The following CDH18 variants were observed in gnomAD, a reference collection of about 807,000 sequenced individuals.
CDH18 encodes cadherin 18, also known as cadherin-18.
A neutral mutation model predicts 67.9 loss-of-function variants in CDH18; 31 were observed. The ratio of observed to expected loss-of-function variants is 0.46; its 90% CI spans 0.34 to 0.62. CDH18 has a LOEUF of 0.62. Among genes scored for constraint, CDH18 ranks in the 20% least tolerant of loss-of-function variants. The pLI, the probability that CDH18 is intolerant of heterozygous loss-of-function variation, is 0.01. For missense variants in CDH18, 890 were observed against 975.5 expected, an observed-to-expected ratio of 0.91 and a Z score of 1.17; for synonymous variants, 362 against 347.2, an observed-to-expected ratio of 1.04 and a Z score of -0.48.
chr5:20,100,267 T>C (rs1316352300), intron 2 of CDH18, among the ~76,000 whole-genome samples: 1 of 152,208 alleles, frequency 6.6e-6, no homozygotes, highest in East Asian at 1.9e-4. Flanking sequence ...GTTCTTGTAA[T>C]CATTTATCTA....
rs755751776 is a variant in CDH18, at chr5:19,838,898, G to T, written c.89C>A (p.Ser30Tyr). The change falls in exon 3 of 13, where the codon TCC (serine) becomes TAC (tyrosine). Residue 30 changes from serine to tyrosine, a missense_variant. Ser to Tyr is a moderately radical substitution (Grantham distance 144, BLOSUM62 -2). Coordinates refer to ENST00000382275, the MANE Select transcript of CDH18 (RefSeq NM_004934.5). ...GGTTTGGTTTCTCATCACCTTGATG[G>T]AGCTGTGGTGAGCAGTTCCATAACA... ...QRCYGTAHHS[S>Y]IKVMRNQTKH... 20 of 1,613,938 alleles carry T rather than the reference G, an allele frequency of 1.2e-5. No homozygotes were observed. Among genetic ancestry groups the T allele is most frequent in the Non-Finnish European group, 1.5e-5 (18 of 1,179,940 alleles).
intron 1 of CDH18, among the ~76,000 whole-genome samples, chr5:20,334,429 G>T (rs1230016824): frequency 6.6e-6 from 1 of 151,884 alleles, no homozygotes; most frequent in Non-Finnish European, 1.5e-5. Context: ...GAGCCACCGC[G>T]CCCGGCCTGA....
intron 3 of CDH18, among the ~76,000 whole-genome samples, chr5:19,776,618 GT>G (rs1188379978): frequency 6.6e-6 from 1 of 152,162 alleles, no homozygotes; most frequent in Non-Finnish European, 1.5e-5. Flanking sequence ...ACAGTGGGTT[GT>G]TTTAGAAAAT....
chr5:20,291,803 A>T (rs1327133947), intron 1 of CDH18, among the ~76,000 whole-genome samples: 2 of 152,132 alleles, frequency 1.3e-5, no homozygotes, highest in Non-Finnish European at 2.9e-5. Flanking sequence ...GGTCCAAAGC[A>T]ATTTTTCCAG....
intron 3 of CDH18, among the ~76,000 whole-genome samples, chr5:19,819,061 A>T (rs1779586410): frequency 6.6e-6 from 1 of 151,972 alleles, no homozygotes. Flanking sequence ...TATAAGTAAT[A>T]CATGTATATA....
chr5:19,496,109 T>C (rs1018571945), intron 11 of CDH18, among the ~76,000 whole-genome samples: 1 of 152,158 alleles, frequency 6.6e-6, no homozygotes, highest in African/African-American at 2.4e-5. Context: ...AAAAGCTTTT[T>C]TGTTATATCT....
At chr5:20,299,975 A>C (rs1373963348) in intron 1 of CDH18, among the ~76,000 whole-genome samples, 1 of 152,160 alleles carries the variant, frequency 6.6e-6, no homozygotes, top group East Asian at 1.9e-4. Context: ...TTAGCAAGAC[A>C]GGACCATTCC....
chr5:19,702,511 A>G (rs750328276), intron 5 of CDH18, among the ~76,000 whole-genome samples: 1 of 150,878 alleles, frequency 6.6e-6, no homozygotes, highest in Non-Finnish European at 1.5e-5. Flanking sequence ...CACACCTGTA[A>G]TCCCAGCACT....
At chr5:20,039,365 C>T (rs1232609046) in intron 2 of CDH18, among the ~76,000 whole-genome samples, 1 of 152,000 alleles carries the variant, frequency 6.6e-6, no homozygotes, top group Non-Finnish European at 1.5e-5. Context: ...TCATATGGAA[C>T]CAAAAAAGAG....
chr5:19,605,744 G>GCACA (rs2150082955), intron 6 of CDH18, among the ~76,000 whole-genome samples: 2 of 152,180 alleles, frequency 1.3e-5, no homozygotes, highest in South Asian at 4.1e-4. Flanking sequence ...AATTTTATAT[G>GCACA]CACATATACT....
intron 1 of CDH18, among the ~76,000 whole-genome samples, chr5:20,282,163 A>G (rs1006275006): frequency 1.8e-4 from 28 of 152,092 alleles, no homozygotes; most frequent in African/African-American, 6.5e-4. Context: ...CTGCAAACAG[A>G]GACAATTTGA....
At chr5:20,168,009 A>G (rs1444865795) in intron 2 of CDH18, among the ~76,000 whole-genome samples, 1 of 152,192 alleles carries the variant, frequency 6.6e-6, no homozygotes, top group Non-Finnish European at 1.5e-5. Context: ...ATATTTAAGT[A>G]TATTTTGAAT....
At position 20,145,117 on chromosome 5, in the gene CDH18, A is replaced by G. The variant is rs1461618637; in HGVS notation, c.-518+110327T>C. ...AATCCTCAAAAACTAATAAAATATC[A>G]CATAGACAAAACAAGAAAAAAATCT... On this transcript the variant is annotated intron_variant, in intron 2 of 14. Transcript: ENST00000507958. 2.6e-5 allele frequency among the ~76,000 whole-genome samples: 4 copies of G among 152,158 alleles called. No homozygotes were observed. In the East Asian group the frequency reaches 7.7e-4, roughly 29 times the overall value.
At chr5:19,545,951 G>T (rs1376790705) in intron 8 of CDH18, among the ~76,000 whole-genome samples, 1 of 152,174 alleles carries the variant, frequency 6.6e-6, no homozygotes, top group Non-Finnish European at 1.5e-5. Flanking sequence ...GAGCACTGAA[G>T]TACACAACCT....
At chr5:20,301,789 CTT>C (rs59276117) in intron 1 of CDH18, among the ~76,000 whole-genome samples, 37 of 128,134 alleles carry the variant, frequency 2.9e-4, no homozygotes, top group African/African-American at 6.5e-4. Context: ...TTTCTTTTTT[CTT>C]TTTTTTTTTT....
At chr5:20,087,688 T>A (rs74610347) in intron 2 of CDH18, among the ~76,000 whole-genome samples, 1 of 151,936 alleles carries the variant, frequency 6.6e-6, no homozygotes, top group Admixed American at 6.6e-5. Flanking sequence ...AACAAAAGCA[T>A]GTACGTTTTT....
At chr5:20,055,876 G>A (rs912882188) in intron 2 of CDH18, among the ~76,000 whole-genome samples, 1 of 150,830 alleles carries the variant, frequency 6.6e-6, no homozygotes, top group Non-Finnish European at 1.5e-5. Flanking sequence ...CTGGTTCTAA[G>A]ATCATTATGA....
chr5:19,623,416 A>G (rs1751000879), intron 5 of CDH18, among the ~76,000 whole-genome samples: 1 of 152,192 alleles, frequency 6.6e-6, no homozygotes, highest in African/African-American at 2.4e-5. Flanking sequence ...TAAATATCCT[A>G]TACAAGTTAT....
At chr5:19,576,220 G>A (rs1423807637) in intron 7 of CDH18, among the ~76,000 whole-genome samples, 1 of 151,962 alleles carries the variant, frequency 6.6e-6, no homozygotes, top group African/African-American at 2.4e-5. Context: ...AAAAAAAATA[G>A]GCAAAGTAAG....
Sources: gnomAD v4.1 joint callset for allele counts (sites outside exome capture counted in the v4.1 genomes callset) on GRCh38, gnomAD v4.1.1 for gene constraint, MANE v1.5 for transcripts, NCBI Gene and HGNC (gene_info 2026-07-23, HGNC 2026-07-21) for gene names.